Variants in XKR9 observed in about 807,000 individuals in gnomAD.
XKR9 encodes XK related 9, also known as XK-related protein 9.
A neutral mutation model predicts 32.0 loss-of-function variants in XKR9; 32 were observed. The ratio of observed to expected loss-of-function variants is 1.00; its 90% CI spans 0.76 to 1.34. XKR9 has a LOEUF of 1.34. Among genes scored for constraint, XKR9 ranks in the 40% most tolerant of loss-of-function variants. XKR9 has a pLI of 0.00. For synonymous variants in XKR9, 168 were observed against 143.4 expected (o/e 1.17, Z -1.22); for missense variants, 546 against 429.7 (o/e 1.27, Z -2.39).
chr8:70,740,498 C>G (rs1241723561), downstream of XKR9, among the ~76,000 whole-genome samples: 1 of 152,176 alleles, frequency 6.6e-6, no homozygotes, highest in East Asian at 1.9e-4. Context: ...CAGCTTTGTT[C>G]TGTTGCTGGT....
At chr8:71,007,016 C>T in the XKR9 span, among the ~76,000 whole-genome samples, 4 of 152,172 alleles carry the variant, frequency 2.6e-5, no homozygotes, top group African/African-American at 9.7e-5. Context: ...CCTCAGGCTT[C>T]GTGTTATAAT....
chr8:70,730,841 C>G (rs1449098277), intron 4 of XKR9, among the ~76,000 whole-genome samples: 1 of 152,174 alleles, frequency 6.6e-6, no homozygotes, highest in African/African-American at 2.4e-5. Flanking sequence ...CTAAAGCAGC[C>G]AATTTCAAGC....
chr8:70,972,099 G>A, the XKR9 span, among the ~76,000 whole-genome samples: 1 of 152,034 alleles, frequency 6.6e-6, no homozygotes, highest in South Asian at 2.1e-4. Context: ...GAGCATGGAT[G>A]TGTTTCATTT....
the XKR9 span, among the ~76,000 whole-genome samples, chr8:70,969,832 A>T: frequency 6.6e-6 from 1 of 152,122 alleles, no homozygotes; most frequent in African/African-American, 2.4e-5. Flanking sequence ...GTGATTTCTG[A>T]GATTTCTGTG....
intron 2 of XKR9, among the ~76,000 whole-genome samples, chr8:70,746,667 A>G (rs1438093654): frequency 1.3e-5 from 2 of 151,916 alleles, no homozygotes; most frequent in Non-Finnish European, 2.9e-5. Flanking sequence ...CTGTTGCTGC[A>G]CTTTAAAAAT....
the XKR9 span, among the ~76,000 whole-genome samples, chr8:71,059,204 A>C: frequency 6.6e-6 from 1 of 152,262 alleles, no homozygotes; most frequent in Non-Finnish European, 1.5e-5. Context: ...TGGAGTGTCA[A>C]CCTTTGTTGA....
the XKR9 span, among the ~76,000 whole-genome samples, chr8:70,921,533 G>T: frequency 6.6e-6 from 1 of 152,056 alleles, no homozygotes; most frequent in African/African-American, 2.4e-5. Flanking sequence ...TTAATATCCA[G>T]CTCATTTCTC....
chr8:70,828,548 ACC>A, the XKR9 span, among the ~76,000 whole-genome samples: 1 of 151,728 alleles, frequency 6.6e-6, no homozygotes, highest in African/African-American at 2.4e-5. Context: ...ACATGGTGAA[ACC>A]CCGTCTCTAC....
intron 1 of XKR9, among the ~76,000 whole-genome samples, chr8:70,671,301 T>G (rs1818706187): frequency 6.6e-6 from 1 of 151,042 alleles, no homozygotes; most frequent in African/African-American, 2.4e-5. Context: ...TCTAGTTCCA[T>G]CCATGTTGCT....
At chr8:70,949,550 G>T in the XKR9 span, among the ~76,000 whole-genome samples, 1 of 151,886 alleles carries the variant, frequency 6.6e-6, no homozygotes, top group African/African-American at 2.4e-5. Context: ...AAGGAACCTG[G>T]AATTTATGAG....
intron 2 of XKR9, among the ~76,000 whole-genome samples, chr8:70,748,985 C>T (rs1025842480): frequency 6.6e-6 from 1 of 152,132 alleles, no homozygotes; most frequent in African/African-American, 2.4e-5. Context: ...CTCCTCTGTG[C>T]TGAGAGCTGG....
At chr8:70,878,403 G>T in the XKR9 span, among the ~76,000 whole-genome samples, 1 of 152,190 alleles carries the variant, frequency 6.6e-6, no homozygotes, top group Middle Eastern at 3.4e-3. Flanking sequence ...GCTATATTCA[G>T]GAGACCCACC....
At chr8:70,850,421 G>A in the XKR9 span, among the ~76,000 whole-genome samples, 4 of 133,280 alleles carry the variant, frequency 3.0e-5, no homozygotes, top group African/African-American at 8.4e-5. Flanking sequence ...CCAAGATCTT[G>A]CTACTGCACT....
At chr8:70,683,452 T>C (rs1586809737) in intron 3 of XKR9, 1 of 429,712 alleles carries the variant, frequency 2.3e-6, no homozygotes, top group East Asian at 7.1e-5. Flanking sequence ...TTATTTTTTA[T>C]TTCTTCTTGA....
At chr8:71,030,857 G>C in the XKR9 span, among the ~76,000 whole-genome samples, 1 of 152,094 alleles carries the variant, frequency 6.6e-6, no homozygotes, top group African/African-American at 2.4e-5. Flanking sequence ...GAGAAATCTT[G>C]ACCCTCTTTG....
the XKR9 span, among the ~76,000 whole-genome samples, chr8:70,868,576 T>G: frequency 1.3e-5 from 2 of 152,004 alleles, no homozygotes; most frequent in African/African-American, 4.8e-5. Flanking sequence ...AGGCTGCACA[T>G]AGCACGAGGA....
At chr8:70,684,176 T>C (rs1819180327) in intron 3 of XKR9, among the ~76,000 whole-genome samples, 1 of 152,200 alleles carries the variant, frequency 6.6e-6, no homozygotes. Context: ...GTCCTCTTGA[T>C]TCTGTGGATT....
the XKR9 span, among the ~76,000 whole-genome samples, chr8:71,060,981 C>T: frequency 2.6e-5 from 4 of 152,118 alleles, no homozygotes; most frequent in Non-Finnish European, 4.4e-5. Flanking sequence ...CTATTGAGGG[C>T]GTATGTACCA....
chr8:70,749,600 A>AC (rs1340961905), intron 2 of XKR9, among the ~76,000 whole-genome samples: 6 of 147,076 alleles, frequency 4.1e-5, no homozygotes, highest in African/African-American at 5.0e-5. Flanking sequence ...CAGTGGCTGG[A>AC]CCCATGCTTG....
Sources: gnomAD v4.1 joint callset for allele counts (sites outside exome capture counted in the v4.1 genomes callset) on GRCh38, gnomAD v4.1.1 for gene constraint, MANE v1.5 for transcripts, NCBI Gene and HGNC (gene_info 2026-07-23, HGNC 2026-07-21) for gene names.